BTBD8: variants seen among roughly 807,000 people sequenced by gnomAD.
The protein encoded by BTBD8 is BTB domain containing 8, also known as BTB/POZ domain-containing protein 8.
BTBD8 carries 110 observed loss-of-function variants against 162.9 expected under a neutral mutation model. The ratio of observed to expected loss-of-function variants is 0.68; its 90% confidence interval spans 0.58 to 0.79. The LOEUF (loss-of-function observed/expected upper bound fraction) is 0.79. Among genes scored for constraint, BTBD8 ranks in the 30% least tolerant of loss-of-function variants. BTBD8 has a pLI of 0.00. For missense variants in BTBD8, 1,905 were observed against 2,085.4 expected, an observed-to-expected ratio of 0.91 and a Z score of 1.68; for synonymous variants, 667 against 716.1, an observed-to-expected ratio of 0.93 and a Z score of 1.10.
At position 92,168,235 on chromosome 1, in the gene BTBD8, A is replaced by G. The variant is rs192540623; in HGVS notation, c.1443+250A>G. ...AGTTTGGCTGGGTAATTTTAAATTT[A>G]GTGTGATATTTAGCAACATTATTTG... On this transcript the variant is annotated intron_variant, in intron 11 of 17. Transcript: ENST00000636805. Among the ~76,000 whole-genome samples, 383 of 152,244 alleles carry G rather than the reference A, an allele frequency of 2.5e-3. 3 individuals are homozygous for G. The highest frequency in any genetic ancestry group is 0.01 in the Middle Eastern group (3 of 294).
chr1:92,167,088 T>C lies in BTBD8; in HGVS notation c.1253T>C (p.Val418Ala), dbSNP rs898623858. The C allele has an allele frequency of 7.7e-6, 12 of 1,550,514 alleles. No individual in the cohort carries two copies. The highest frequency in any genetic ancestry group is 3.9e-5 in the Admixed American group (2 of 50,998). The change falls in exon 10 of 18, where the codon GTA becomes GCA. Residue 418 changes from valine (V) to alanine (A), a missense_variant. This residue lies in a region of BTBD8 where 1,374 missense variants were observed against 1,442.7 expected (regional missense o/e 0.95). Coordinates refer to ENST00000636805, the MANE Select transcript of BTBD8 (RefSeq NM_001376131.1). ...QLQEKCIAFI[V>A]DNFSKIIQSE... Reference sequence around the variant, plus strand: ...CAAGAAAAATGTATTGCATTTATTGTAGACAACTTCTCCAAGATTATTCAG... The same window carrying C: ...CAAGAAAAATGTATTGCATTTATTGCAGACAACTTCTCCAAGATTATTCAG...
chr1:92,093,989 A>T lies in BTBD8; in HGVS notation c.347+5094A>T, dbSNP rs74361406. On this transcript the variant is annotated intron_variant, in intron 2 of 17. Coordinates refer to ENST00000636805, the MANE Select transcript of BTBD8 (RefSeq NM_001376131.1). ...TGTTATCATTAAAAGTGATTGGAAAAGATTGAATTAGACCCAGTATGGGAG... is the reference window on the plus strand; with the variant it reads ...TGTTATCATTAAAAGTGATTGGAAATGATTGAATTAGACCCAGTATGGGAG... Among the ~76,000 whole-genome samples, 1,319 of 152,364 alleles carry T rather than the reference A, an allele frequency of 8.7e-3. 10 individuals are homozygous for T. Among genetic ancestry groups the T allele is most frequent in the Middle Eastern group, 0.02 (6 of 294 alleles).
At chr1:92,084,114 C>T (rs550518660) in intron 1 of BTBD8, among the ~76,000 whole-genome samples, 15 of 152,264 alleles carry the variant, frequency 9.9e-5, no homozygotes, top group Admixed American at 5.2e-4. Flanking sequence ...TTTACCAACT[C>T]GTGCCAATTT....
intron 4 of BTBD8, among the ~76,000 whole-genome samples, chr1:92,118,954 T>C (rs549846016): frequency 3.3e-5 from 5 of 151,490 alleles, no homozygotes; most frequent in East Asian, 1.9e-4. Flanking sequence ...CTGAAAGATA[T>C]ATCTGGTATA....
rs368249793 is a variant in BTBD8, at chr1:92,090,251, CCCACTAGCAATG to C, written c.347+1357_347+1368del. Among the ~76,000 whole-genome samples, 484 of 152,262 alleles carry C rather than the reference CCCACTAGCAATG, an allele frequency of 3.2e-3. 3 individuals carry two copies. Among genetic ancestry groups the C allele is most frequent in the African/African-American group, 0.011 (469 of 41,544 alleles). ...CAAACTGGCTATAATATTTTACATT[CCCACTAGCAATG>C]TACAAGGGCTTCAGTTTCTCCACAT... On this transcript the variant is annotated intron_variant, in intron 2 of 17. Coordinates refer to ENST00000636805, the MANE Select transcript of BTBD8 (RefSeq NM_001376131.1).
chr1:92,097,182 A>AT (rs59961770), intron 2 of BTBD8, among the ~76,000 whole-genome samples: 108,278 of 151,826 alleles, frequency 0.71, 39,166 homozygotes, highest in East Asian at 0.97. Context: ...TTCCACAGAA[A>AT]TTTCTTCTGT....
intron 15 of BTBD8, 96 bp from the exon 16 acceptor site, chr1:92,178,216 T>A: frequency 1.1e-6 from 1 of 947,226 alleles, no homozygotes; most frequent in Non-Finnish European, 1.6e-6. Context: ...GATGTATTTT[T>A]TATTTCTTGA....
intron 4 of BTBD8, among the ~76,000 whole-genome samples, chr1:92,122,411 ACC>A (rs1642556938): frequency 1.3e-5 from 2 of 151,924 alleles, no homozygotes; most frequent in Admixed American, 1.3e-4. Flanking sequence ...GGTTTGTGCC[ACC>A]ACGCCCAGCT....
Position 92,182,261 on chromosome 1 carries a change from T to A in BTBD8, c.4578T>A (p.Asn1526Lys), listed in dbSNP as rs570196010. The A allele has an allele frequency of 6.4e-7, 1 of 1,550,988 alleles. No individual in the cohort carries two copies. The highest frequency in any genetic ancestry group is 8.7e-7 in the Non-Finnish European group (1 of 1,146,754). Residue 1526 changes from asparagine (N) to lysine (K), a missense_variant, in exon 17 of 18, where the codon AAT (asparagine) becomes AAA (lysine). Asn to Lys is a moderately conservative substitution (Grantham distance 94). Coordinates refer to ENST00000636805, the MANE Select transcript of BTBD8 (RefSeq NM_001376131.1). ...GTAGCATTGACTCTTCAAGAAAAAA[T>A]AAACAGAGTGTTTCAGCCACAGAAA... is the stretch of plus-strand genomic sequence containing the variant. ...DLSSIDSSRK[N>K]KQSVSATEKK...
intron 4 of BTBD8, among the ~76,000 whole-genome samples, chr1:92,122,621 T>C (rs1649245746): frequency 2.0e-5 from 3 of 151,930 alleles, no homozygotes; most frequent in Admixed American, 6.6e-5. Flanking sequence ...TGGAGTGCAG[T>C]GGCATGATCT....
chr1:92,108,612 G>T (rs1324867512), intron 4 of BTBD8, among the ~76,000 whole-genome samples: 3 of 152,164 alleles, frequency 2.0e-5, no homozygotes, highest in East Asian at 3.8e-4. Flanking sequence ...AATTAAAGCC[G>T]GTTGCCTGTT....
chr1:92,126,192 G>A (rs567531739), intron 4 of BTBD8: 1 of 518,148 alleles, frequency 1.9e-6, no homozygotes, highest in South Asian at 1.6e-5. Flanking sequence ...AGAACCAGGG[G>A]ATGAGTTCCT....
At chr1:92,081,181 A>T (rs986306717) in intron 1 of BTBD8, among the ~76,000 whole-genome samples, 6 of 152,176 alleles carry the variant, frequency 3.9e-5, no homozygotes, top group African/African-American at 1.2e-4. Context: ...AGGTCTCTTT[A>T]AACAATTTAC....
chr1:92,085,578 T>G (rs2101890526), intron 1 of BTBD8, among the ~76,000 whole-genome samples: 1 of 152,060 alleles, frequency 6.6e-6, no homozygotes, highest in Non-Finnish European at 1.5e-5. Flanking sequence ...GGAGAATCGC[T>G]TGAACCTAGG....
chr1:92,156,958 G>A (rs569588012), intron 9 of BTBD8, among the ~76,000 whole-genome samples: 2 of 140,844 alleles, frequency 1.4e-5, no homozygotes, highest in East Asian at 2.1e-4. Flanking sequence ...TTTTTTTTTC[G>A]TTGGTTTGCT....
In BTBD8 at chr1:92,108,281, G is replaced by A. The variant is rs561794722; in HGVS notation, c.662+280G>A. On this transcript the variant is annotated intron_variant, in intron 4 of 17. Coordinates refer to ENST00000636805, the MANE Select transcript of BTBD8 (RefSeq NM_001376131.1). ...TTCTGCCAGAGCAGATCTCATCTAT[G>A]TTCTGCATTGGGCATGAACCTAAGA... Among the ~76,000 whole-genome samples, 219 of 152,332 alleles carry A rather than the reference G, an allele frequency of 1.4e-3. 1 individual carries two copies. Among genetic ancestry groups the A allele is most frequent in the African/African-American group, 5.1e-3 (211 of 41,574 alleles).
intron 2 of BTBD8, among the ~76,000 whole-genome samples, chr1:92,093,314 T>A (rs1363235422): frequency 6.7e-6 from 1 of 150,354 alleles, no homozygotes; most frequent in Admixed American, 6.7e-5. Flanking sequence ...AGCCTCAGCC[T>A]CTTGAGTAGC....
At chr1:92,130,240 C>T (rs1362934481) in intron 5 of BTBD8, among the ~76,000 whole-genome samples, 1 of 152,158 alleles carries the variant, frequency 6.6e-6, no homozygotes, top group African/African-American at 2.4e-5. Context: ...CCTCATTTAA[C>T]CTTAATTACT....
rs1345890670 is a variant in BTBD8 at position 92,177,290 on chromosome 1, C to T, written c.2097C>T (p.Asn699=). 6.4e-7 allele frequency: 1 copy of T among 1,552,028 alleles called. No homozygotes were observed. Among genetic ancestry groups the T allele is most frequent in the South Asian group, 1.2e-5 (1 of 84,060 alleles). Residue 699 remains asparagine, a synonymous_variant, in exon 14 of 18, where the codon AAC becomes AAT. Transcript: ENST00000636805. Reference sequence around the variant, plus strand: ...CCAGACCCAAGGTACTCACAGGAAACTTAAATGTGCAAGCCAAAGCAAAGC... The same window carrying T: ...CCAGACCCAAGGTACTCACAGGAAATTTAAATGTGCAAGCCAAAGCAAAGC... The part of the protein sequence containing the change: ...SGARPKVLTG[N]LNVQAKAKPL...
Sources: gnomAD v4.1 joint callset for allele counts (sites outside exome capture counted in the v4.1 genomes callset) on GRCh38, gnomAD v4.1.1 for gene constraint, gnomAD v4.1.1 regional missense constraint, MANE v1.5 for transcripts, NCBI Gene and HGNC (gene_info 2026-07-23, HGNC 2026-07-21) for gene names.